BMP2K: variants seen among roughly 807,000 people sequenced by gnomAD.
BMP2K encodes BMP-2-inducible protein kinase.
In BMP2K, 74 loss-of-function variants were observed where a neutral mutation model predicts 116.0. The ratio of observed to expected loss-of-function variants is 0.64; its 90% CI spans 0.53 to 0.77. The LOEUF (loss-of-function observed/expected upper bound fraction) is 0.77. BMP2K is among the 30% of genes least tolerant of loss of function. BMP2K has a pLI of 0.00. For missense variants in BMP2K, 1,365 were observed against 1,403.6 expected (o/e 0.97, Z 0.44); for synonymous variants, 486 against 502.5 (o/e 0.97, Z 0.44).
intron 13 of BMP2K, among the ~76,000 whole-genome samples, chr4:78,876,485 G>A (rs1323536779): frequency 6.6e-6 from 1 of 152,188 alleles, no homozygotes; most frequent in Non-Finnish European, 1.5e-5. Flanking sequence ...CTAGCCTTCA[G>A]TAAGTATTTA....
intron 1 of BMP2K, among the ~76,000 whole-genome samples, chr4:78,794,480 T>G (rs148609640): frequency 6.6e-6 from 1 of 152,226 alleles, no homozygotes; most frequent in Non-Finnish European, 1.5e-5. Context: ...ATACACTTCA[T>G]GCTGGGAACC....
At chr4:78,806,362 G>A (rs974989250) in intron 1 of BMP2K, among the ~76,000 whole-genome samples, 4 of 151,886 alleles carry the variant, frequency 2.6e-5, no homozygotes, top group African/African-American at 7.3e-5. Flanking sequence ...TTTTTTTGTA[G>A]AGGTAGAGTC....
At position 78,893,313 on chromosome 4, in the gene BMP2K, C is replaced by G. The variant is rs75530869; in HGVS notation, c.2062+6029C>G. 1.4e-3 allele frequency among the ~76,000 whole-genome samples: 206 copies of G among 152,316 alleles called. 1 individual carries two copies. Among genetic ancestry groups the G allele is most frequent in the African/African-American group, 4.8e-3 (199 of 41,568 alleles). On this transcript the variant is annotated intron_variant, in intron 15 of 15. Coordinates refer to ENST00000502613, the MANE Select transcript of BMP2K (RefSeq NM_198892.2). ...ATTTTTAGGTTCTATTTCTAGTTCT[C>G]TTGCTCTTTCCATGACATCTGCAGT...
intron 15 of BMP2K, among the ~76,000 whole-genome samples, chr4:78,895,300 A>G (rs1353935754): frequency 6.6e-6 from 1 of 152,200 alleles, no homozygotes; most frequent in Non-Finnish European, 1.5e-5. Context: ...ATTTAATTTT[A>G]CACTGATCTT....
chr4:78,871,708 T>A (rs1732364238), intron 11 of BMP2K, 142 bp from the exon 12 acceptor site: 2 of 486,414 alleles, frequency 4.1e-6, no homozygotes, highest in Non-Finnish European at 7.3e-6. Flanking sequence ...ATTAATAAAT[T>A]ATAGTAATTT....
Position 78,911,751 on chromosome 4 carries a change from C to T in BMP2K, c.3204C>T (p.Pro1068=), listed in dbSNP as rs998544584. ...VLQPEESLLD[P]FGAKPFHSPD... is the part of the protein sequence containing the mutation. Reference sequence around the variant, plus strand: ...AACCTGAGGAGAGCCTGTTGGACCCCTTCGGTGCCAAGCCCTTCCATTCTC... The same window carrying T: ...AACCTGAGGAGAGCCTGTTGGACCCTTTCGGTGCCAAGCCCTTCCATTCTC... Residue 1068 remains proline (P), a synonymous_variant, in exon 16 of 16, where the codon CCC becomes CCT. Transcript: ENST00000502613. 1.2e-6 allele frequency: 2 copies of T among 1,613,854 alleles called. No individual in the cohort carries two copies. Among genetic ancestry groups the T allele is most frequent in the African/African-American group, 2.7e-5 (2 of 74,914 alleles).
intron 1 of BMP2K, among the ~76,000 whole-genome samples, chr4:78,804,457 T>G (rs1020356076): frequency 6.6e-6 from 1 of 152,134 alleles, no homozygotes; most frequent in African/African-American, 2.4e-5. Flanking sequence ...TACCTAGGAG[T>G]AGATTTTCTG....
chr4:78,829,787 T>TTTCTTTTCTTTTCTCTTCTCTTCTC (rs71216237), intron 2 of BMP2K, among the ~76,000 whole-genome samples: 32 of 86,642 alleles, frequency 3.7e-4, no homozygotes, highest in East Asian at 8.3e-4. Context: ...TTTCTTTTCT[T>TTTCTTTTCTTTTCTCTTCTCTTCTC]TTCTCTTCTC....
At chr4:78,888,462 G>A (rs1329692273) in intron 15 of BMP2K, among the ~76,000 whole-genome samples, 1 of 152,122 alleles carries the variant, frequency 6.6e-6, no homozygotes, top group Non-Finnish European at 1.5e-5. Flanking sequence ...ATCTCTGTGT[G>A]GTAGAAGGCA....
At chr4:78,829,403 T>G (rs1362060626) in intron 2 of BMP2K, among the ~76,000 whole-genome samples, 4 of 98,846 alleles carry the variant, frequency 4.0e-5, no homozygotes, top group East Asian at 6.6e-4. Context: ...TAGTTTTTTG[T>G]TTTTTTTTTT....
chr4:78,832,348 A>T (rs925281166), intron 2 of BMP2K, among the ~76,000 whole-genome samples: 1 of 152,176 alleles, frequency 6.6e-6, no homozygotes, highest in Non-Finnish European at 1.5e-5. Flanking sequence ...AGTTGTACTT[A>T]TCCACCTGCT....
intron 1 of BMP2K, among the ~76,000 whole-genome samples, chr4:78,795,766 C>T (rs1209139183): frequency 6.6e-6 from 1 of 152,164 alleles, no homozygotes; most frequent in Non-Finnish European, 1.5e-5. Context: ...GACATTTATG[C>T]AGCCAAAAAA....
chr4:78,846,986 G>C (rs1577922058), intron 5 of BMP2K, among the ~76,000 whole-genome samples: 1 of 151,346 alleles, frequency 6.6e-6, no homozygotes, highest in African/African-American at 2.4e-5. Context: ...TGTATTTATT[G>C]AATAAAAATG....
At chr4:78,788,509 T>C (rs973284558) in intron 1 of BMP2K, among the ~76,000 whole-genome samples, 2 of 152,082 alleles carry the variant, frequency 1.3e-5, no homozygotes, top group Admixed American at 1.3e-4. Flanking sequence ...GTTAACTGGA[T>C]TGCTAAATCT....
chr4:78,897,859 T>C (rs1358231424), intron 15 of BMP2K, among the ~76,000 whole-genome samples: 4 of 152,210 alleles, frequency 2.6e-5, no homozygotes, highest in Non-Finnish European at 1.5e-5. Context: ...ATTACAGCCC[T>C]TGCCTCTCAA....
intron 2 of BMP2K, among the ~76,000 whole-genome samples, chr4:78,827,650 C>T (rs1202379624): frequency 6.6e-6 from 1 of 151,826 alleles, no homozygotes; most frequent in Non-Finnish European, 1.5e-5. Flanking sequence ...TTAATGCACC[C>T]CTCAAATTTC....
intron 3 of BMP2K, 52 bp downstream of exon 3, chr4:78,833,739 G>C (rs762481625): frequency 3.3e-6 from 4 of 1,199,336 alleles, no homozygotes; most frequent in Non-Finnish European, 4.8e-6. Context: ...CCTTAAATGG[G>C]TTACTAGGTA....
intron 3 of BMP2K, among the ~76,000 whole-genome samples, chr4:78,836,563 C>G (rs968976703): frequency 6.6e-6 from 1 of 152,214 alleles, no homozygotes; most frequent in African/African-American, 2.4e-5. Context: ...AGCTGTCCTT[C>G]TGGAAATTAC....
At chr4:78,887,599 A>G (rs1733166782) in intron 15 of BMP2K, among the ~76,000 whole-genome samples, 2 of 152,282 alleles carry the variant, frequency 1.3e-5, no homozygotes, top group South Asian at 2.1e-4. Context: ...TAAAAATTTG[A>G]TATTTTCCTA....
Sources: allele counts gnomAD v4.1 joint callset (sites outside exome capture counted in the v4.1 genomes callset), GRCh38; gene constraint gnomAD v4.1.1; transcripts MANE v1.5; gene names NCBI Gene and HGNC (gene_info 2026-07-23, HGNC 2026-07-21).